The following ROBO1 variants were observed in gnomAD, a reference collection of about 807,000 sequenced individuals.
ROBO1 encodes roundabout guidance receptor 1.
A neutral mutation model predicts 195.9 loss-of-function variants in ROBO1; 149 were observed. That is an observed-to-expected ratio of 0.76 (90% CI 0.67 to 0.87). The LOEUF (loss-of-function observed/expected upper bound fraction) is 0.87. ROBO1 is among the 40% of genes least tolerant of loss of function. The pLI, the probability that ROBO1 is intolerant of heterozygous loss-of-function variation, is 0.00. For missense variants in ROBO1, 1,933 were observed against 2,068.3 expected, an observed-to-expected ratio of 0.93 and a Z score of 1.27; for synonymous variants, 816 against 733.2, an observed-to-expected ratio of 1.11 and a Z score of -1.82.
chr3:78,974,788 A>G (rs895259885), intron 3 of ROBO1, among the ~76,000 whole-genome samples: 1 of 152,144 alleles, frequency 6.6e-6, no homozygotes, highest in Non-Finnish European at 1.5e-5. Flanking sequence ...ATCTATTCCT[A>G]TTTTTCAAAG....
intron 1 of ROBO1, among the ~76,000 whole-genome samples, chr3:79,689,705 TA>T (rs1408757828): frequency 5.3e-5 from 8 of 152,080 alleles, no homozygotes; most frequent in Non-Finnish European, 1.2e-4. Context: ...TATTTAATTT[TA>T]GCAATATATT....
rs957688043 is a variant in ROBO1, at chr3:79,709,739, C to G, written c.-51+58013G>C. ...AAATTCAAATGTTGAAACCGAATCA[C>G]CAATGTGATGCTATTAGGAGCCTTT... is the stretch of plus-strand genomic sequence containing the variant. On this transcript the variant is annotated intron_variant, in intron 1 of 30. Transcript: ENST00000464233. 2.0e-5 allele frequency among the ~76,000 whole-genome samples: 3 copies of G among 151,834 alleles called. No individual in the cohort carries two copies. The South Asian group carries it at 6.2e-4, about 31-fold the overall frequency.
intron 2 of ROBO1, among the ~76,000 whole-genome samples, chr3:79,167,472 T>C (rs1025689471): frequency 1.3e-5 from 2 of 152,224 alleles, no homozygotes; most frequent in Non-Finnish European, 2.9e-5. Context: ...CTTATATCTT[T>C]ATAACACCTG....
At chr3:78,638,255 A>G (rs1282658738) in intron 22 of ROBO1, among the ~76,000 whole-genome samples, 3 of 137,826 alleles carry the variant, frequency 2.2e-5, no homozygotes, top group East Asian at 2.0e-4. Context: ...ACACACATAC[A>G]TATATGTATA....
At position 78,606,966 on chromosome 3, in the gene ROBO1, C is replaced by T. The variant is rs767348611; in HGVS notation, c.4511G>A (p.Arg1504Gln). ...AGGGAGTTTTGGCACCACTACAGGTCGTACTTCCAGCTGTGTCTTGGATTG... is the reference window on the plus strand; with the variant it reads ...AGGGAGTTTTGGCACCACTACAGGTTGTACTTCCAGCTGTGTCTTGGATTG... ...TAQSKTQLEV[R>Q]PVVVPKLPSM... The change falls in exon 29 of 31, where the codon CGA (arginine) becomes CAA (glutamine). Residue 1504 changes from arginine to glutamine, a missense_variant. Arg to Gln is a conservative substitution (Grantham distance 43, BLOSUM62 1). This residue lies in a region of ROBO1 where 1,737 missense variants were observed against 1,882.5 expected (regional missense o/e 0.92). Coordinates refer to ENST00000464233, the MANE Select transcript of ROBO1 (RefSeq NM_002941.4). 9.3e-6 allele frequency: 15 copies of T among 1,613,732 alleles called. No individual in the cohort carries two copies. Among genetic ancestry groups the T allele is most frequent in the East Asian group, 8.9e-5 (4 of 44,872 alleles).
intron 2 of ROBO1, among the ~76,000 whole-genome samples, chr3:79,214,401 T>C (rs1052009859): frequency 1.3e-5 from 2 of 152,168 alleles, no homozygotes; most frequent in Non-Finnish European, 2.9e-5. Context: ...AGGTGGAATG[T>C]GGACTCATTT....
intron 1 of ROBO1, among the ~76,000 whole-genome samples, chr3:79,714,092 T>G: frequency 6.6e-6 from 1 of 152,018 alleles, no homozygotes; most frequent in East Asian, 1.9e-4. Context: ...TTTTGCAACC[T>G]ACTCATCTGA....
At chr3:79,348,566 A>C (rs2035220692) in intron 2 of ROBO1, among the ~76,000 whole-genome samples, 1 of 152,200 alleles carries the variant, frequency 6.6e-6, no homozygotes, top group Non-Finnish European at 1.5e-5. Context: ...AAGACAAAGA[A>C]ACAAATTCTA....
chr3:79,365,475 A>AT (rs1402043153), intron 2 of ROBO1, among the ~76,000 whole-genome samples: 1 of 152,170 alleles, frequency 6.6e-6, no homozygotes, highest in Non-Finnish European at 1.5e-5. Flanking sequence ...TCTCTGCTTT[A>AT]TCATCAGAGG....
intron 3 of ROBO1, among the ~76,000 whole-genome samples, chr3:79,057,142 C>T (rs1010479126): frequency 6.6e-6 from 1 of 152,022 alleles, no homozygotes; most frequent in Non-Finnish European, 1.5e-5. Flanking sequence ...ATTCCTGAGG[C>T]TGTTACAGTG....
intron 2 of ROBO1, among the ~76,000 whole-genome samples, chr3:79,271,553 A>T (rs1651641253): frequency 6.6e-6 from 1 of 152,026 alleles, no homozygotes; most frequent in African/African-American, 2.4e-5. Flanking sequence ...ATTTAGCCAT[A>T]TGCTTTCTTC....
chr3:78,608,073 C>T (rs1406518134), intron 28 of ROBO1, among the ~76,000 whole-genome samples: 1 of 150,606 alleles, frequency 6.6e-6, no homozygotes, highest in African/African-American at 2.5e-5. Flanking sequence ...GTAGTTACAT[C>T]TTAAGTAATA....
At chr3:79,360,960 C>T (rs1053633403) in intron 2 of ROBO1, among the ~76,000 whole-genome samples, 1 of 152,016 alleles carries the variant, frequency 6.6e-6, no homozygotes, top group Non-Finnish European at 1.5e-5. Flanking sequence ...ATAAATTGAT[C>T]CATGGTGCAG....
chr3:78,852,056 G>A (rs1221953174), intron 4 of ROBO1, among the ~76,000 whole-genome samples: 1 of 151,956 alleles, frequency 6.6e-6, no homozygotes, highest in Non-Finnish European at 1.5e-5. Flanking sequence ...ATTAAATAAT[G>A]TGTATAGTTA....
At chr3:79,423,530 T>C (rs1239720674) in intron 2 of ROBO1, among the ~76,000 whole-genome samples, 1 of 152,122 alleles carries the variant, frequency 6.6e-6, no homozygotes, top group Non-Finnish European at 1.5e-5. Context: ...GGTCCATATT[T>C]ATCTATTGGC....
At chr3:78,809,946 C>A (rs1255639332) in intron 4 of ROBO1, among the ~76,000 whole-genome samples, 3 of 150,816 alleles carry the variant, frequency 2.0e-5, no homozygotes, top group African/African-American at 7.3e-5. Flanking sequence ...ATGTAACAAA[C>A]CTGCACGTTC....
chr3:78,946,301 C>G (rs148928744), intron 3 of ROBO1, among the ~76,000 whole-genome samples: 2 of 152,078 alleles, frequency 1.3e-5, no homozygotes, highest in African/African-American at 2.4e-5. Context: ...AAAGGGAAGC[C>G]CACCAGACTA....
intron 2 of ROBO1, among the ~76,000 whole-genome samples, chr3:79,358,062 G>A (rs1202652560): frequency 6.6e-6 from 1 of 152,004 alleles, no homozygotes; most frequent in Non-Finnish European, 1.5e-5. Context: ...ATGATCTCTG[G>A]AGCTGACTTT....
At chr3:79,065,270 A>G (rs1278000956) in intron 3 of ROBO1, among the ~76,000 whole-genome samples, 1 of 152,086 alleles carries the variant, frequency 6.6e-6, no homozygotes, top group East Asian at 2.0e-4. Context: ...ATTAAATGCC[A>G]TATTCTAATT....
Sources: gnomAD v4.1 joint callset for allele counts (sites outside exome capture counted in the v4.1 genomes callset) on GRCh38, gnomAD v4.1.1 for gene constraint, gnomAD v4.1.1 regional missense constraint, MANE v1.5 for transcripts, NCBI Gene and HGNC (gene_info 2026-07-23, HGNC 2026-07-21) for gene names.